GRXCR2: variants seen among roughly 807,000 people sequenced by gnomAD.
GRXCR2 encodes glutaredoxin domain-containing cysteine-rich protein 2.
Under a neutral mutation model 24.8 loss-of-function variants are expected in GRXCR2, and 23 were observed. The ratio of observed to expected loss-of-function variants is 0.93; its 90% CI spans 0.67 to 1.32. The LOEUF (loss-of-function observed/expected upper bound fraction) is 1.32, where lower values mean the gene tolerates loss of function less well. Among genes scored for constraint, GRXCR2 ranks in the 40% most tolerant of loss-of-function variants. GRXCR2 has a pLI of 0.00. For synonymous variants in GRXCR2, 130 were observed against 116.1 expected, an observed-to-expected ratio of 1.12 and a Z score of -0.77; for missense variants, 315 against 303.4, an observed-to-expected ratio of 1.04 and a Z score of -0.28.
intron 1 of GRXCR2, among the ~76,000 whole-genome samples, chr5:145,871,218 G>A (rs1044274749): frequency 6.6e-6 from 1 of 152,068 alleles, no homozygotes; most frequent in Non-Finnish European, 1.5e-5. Context: ...CTACAAATAA[G>A]ACATAGTTAA....
At chr5:145,928,085 G>A (rs1757426802) in intron 2 of GRXCR2, among the ~76,000 whole-genome samples, 2 of 151,848 alleles carry the variant, frequency 1.3e-5, no homozygotes, top group African/African-American at 4.8e-5. Flanking sequence ...ATCAAAAAGT[G>A]GGCAAAGGAT....
chr5:145,871,529 A>G (rs2149911713), intron 1 of GRXCR2, among the ~76,000 whole-genome samples: 1 of 151,992 alleles, frequency 6.6e-6, no homozygotes, highest in South Asian at 2.1e-4. Context: ...TGCCATAGAT[A>G]TAGACAGAGA....
chr5:145,880,092 G>A (rs1756677505), intron 2 of GRXCR2, among the ~76,000 whole-genome samples: 2 of 152,110 alleles, frequency 1.3e-5, no homozygotes, highest in East Asian at 3.8e-4. Flanking sequence ...GAGAAAGCAG[G>A]AAAGATCTAA....
chr5:145,882,981 T>G (rs1274837904), intron 2 of GRXCR2, among the ~76,000 whole-genome samples: 1 of 128,734 alleles, frequency 7.8e-6, no homozygotes, highest in Non-Finnish European at 1.6e-5. Flanking sequence ...ATGAGAACAT[T>G]TGGACACAGG....
chr5:145,894,870 G>A lies in GRXCR2; in HGVS notation c.-69-28142C>T, dbSNP rs188418629. On this transcript the variant is annotated intron_variant, in intron 2 of 3. Transcript: ENST00000639411. ...TAGACCAATATCCCTGATGAACATCGATGCAAAAATCCTCAATAAAATACT... is the reference window on the plus strand; with the variant it reads ...TAGACCAATATCCCTGATGAACATCAATGCAAAAATCCTCAATAAAATACT... Among the ~76,000 whole-genome samples the A allele has an allele frequency of 7.8e-4, 119 of 152,026 alleles. 3 individuals carry two copies. In the South Asian group the frequency reaches 0.017, roughly 22 times the overall value.
intron 1 of GRXCR2, among the ~76,000 whole-genome samples, chr5:145,869,727 T>G (rs1376872204): frequency 1.2e-4 from 19 of 152,040 alleles, no homozygotes; most frequent in Admixed American, 1.2e-3. Flanking sequence ...CTGGCTAATT[T>G]TTTGTATTTT....
chr5:145,866,725 G>T lies in GRXCR2; in HGVS notation c.340C>A (p.Leu114Ile). Reference sequence around the variant, plus strand: ...ATCTTTCCAAAATCTATAATAGGTAGGGGCTAGAGAAATGGAGAATGAGCA... The same window carrying T: ...ATCTTTCCAAAATCTATAATAGGTATGGGCTAGAGAAATGGAGAATGAGCA... ...NDYKANDHKP[L>I]PIIDFGKIII... Residue 114 changes from leucine to isoleucine, a missense_variant, in exon 2 of 3, where the codon CTA becomes ATA. Physicochemically the swap from Leu to Ile is conservative, Grantham distance 5. Coordinates refer to ENST00000377976, the MANE Select transcript of GRXCR2 (RefSeq NM_001080516.2). 6.3e-7 allele frequency: 1 copy of T among 1,593,062 alleles called. No individual in the cohort carries two copies. Among genetic ancestry groups the T allele is most frequent in the South Asian group, 1.1e-5 (1 of 90,546 alleles).
chr5:145,865,904 G>A (rs1049683475), intron 2 of GRXCR2, among the ~76,000 whole-genome samples: 40 of 152,130 alleles, frequency 2.6e-4, no homozygotes, highest in East Asian at 1.2e-3. Flanking sequence ...TTGGGAGGCC[G>A]AGGCAGATGG....
chr5:145,895,574 G>C (rs1260504815), intron 2 of GRXCR2, among the ~76,000 whole-genome samples: 2 of 152,106 alleles, frequency 1.3e-5, no homozygotes, highest in African/African-American at 4.8e-5. Context: ...CAACTCACAA[G>C]GGATGTGAAG....
intron 2 of GRXCR2, among the ~76,000 whole-genome samples, chr5:145,900,547 C>A (rs1757011137): frequency 6.6e-6 from 1 of 152,112 alleles, no homozygotes; most frequent in Admixed American, 6.6e-5. Flanking sequence ...AATGCTCATT[C>A]TCACTAATCA....
intron 2 of GRXCR2, among the ~76,000 whole-genome samples, chr5:145,888,649 G>T (rs1308859700): frequency 6.6e-6 from 1 of 151,504 alleles, no homozygotes; most frequent in Non-Finnish European, 1.5e-5. Flanking sequence ...TAGAGATGCA[G>T]GTAAAGAACA....
chr5:145,931,216 G>A (rs1581360521), intron 2 of GRXCR2, among the ~76,000 whole-genome samples: 1 of 152,172 alleles, frequency 6.6e-6, no homozygotes, highest in African/African-American at 2.4e-5. Flanking sequence ...ATTTTTTGTA[G>A]AGACAGGATT....
intron 1 of GRXCR2, among the ~76,000 whole-genome samples, chr5:145,868,177 A>T (rs537798029): frequency 6.6e-6 from 1 of 152,272 alleles, no homozygotes; most frequent in East Asian, 1.9e-4. Flanking sequence ...CAATATGCAG[A>T]TTGTGAGAAC....
At chr5:145,867,414 G>A (rs909281024) in intron 1 of GRXCR2, among the ~76,000 whole-genome samples, 5 of 152,098 alleles carry the variant, frequency 3.3e-5, no homozygotes, top group African/African-American at 7.2e-5. Flanking sequence ...CAAAAAATAC[G>A]ATCATAATAT....
chr5:145,917,624 C>G (rs1463631720), intron 2 of GRXCR2, among the ~76,000 whole-genome samples: 1 of 152,058 alleles, frequency 6.6e-6, no homozygotes, highest in Non-Finnish European at 1.5e-5. Context: ...GAGCAGGGAG[C>G]AGCACCTGTC....
intron 2 of GRXCR2, among the ~76,000 whole-genome samples, chr5:145,927,852 C>T (rs1757422450): frequency 6.6e-6 from 1 of 152,124 alleles, no homozygotes. Flanking sequence ...GGAAGCACTT[C>T]ATGTCTAAAA....
chr5:145,878,896 C>T (rs1756658389), intron 2 of GRXCR2, among the ~76,000 whole-genome samples: 1 of 152,176 alleles, frequency 6.6e-6, no homozygotes, highest in African/African-American at 2.4e-5. Context: ...CAATATTCAA[C>T]ATTCTTAAAG....
chr5:145,894,949 T>A (rs865918258), intron 2 of GRXCR2, among the ~76,000 whole-genome samples: 1 of 152,084 alleles, frequency 6.6e-6, no homozygotes. Context: ...GATCAAGTCG[T>A]CTTCATCCCT....
At chr5:145,900,140 A>T (rs1381031384) in intron 2 of GRXCR2, among the ~76,000 whole-genome samples, 2 of 152,024 alleles carry the variant, frequency 1.3e-5, no homozygotes, top group Non-Finnish European at 2.9e-5. Context: ...TCTCATGTTG[A>T]ATTGTAATCC....
Sources: gnomAD v4.1 joint callset for allele counts (sites outside exome capture counted in the v4.1 genomes callset) on GRCh38, gnomAD v4.1.1 for gene constraint, MANE v1.5 for transcripts, NCBI Gene and HGNC (gene_info 2026-07-23, HGNC 2026-07-21) for gene names.